The following ANKRD55 variants were observed in gnomAD, a reference collection of about 807,000 sequenced individuals.
ANKRD55 encodes the protein ankyrin repeat domain 55.
In ANKRD55, 41 loss-of-function variants were observed where a neutral mutation model predicts 60.6. The observed-to-expected ratio is 0.68, with a 90% CI of 0.53 to 0.88. ANKRD55 has a LOEUF of 0.88. Ranked by LOEUF, ANKRD55 falls within the 40% of genes least tolerant of loss-of-function variation. ANKRD55 has a pLI of 0.00. For missense variants in ANKRD55, 732 were observed against 767.6 expected (o/e 0.95, Z 0.55); for synonymous variants, 264 against 290.3 (o/e 0.91, Z 0.92).
At chr5:56,125,948 A>G (rs1318249451) in intron 8 of ANKRD55, among the ~76,000 whole-genome samples, 1 of 152,052 alleles carries the variant, frequency 6.6e-6, no homozygotes, top group African/African-American at 2.4e-5. Context: ...AGCCTGGCCA[A>G]CATGGTGAAA....
intron 10 of ANKRD55, among the ~76,000 whole-genome samples, chr5:56,104,390 C>T (rs566216327): frequency 6.6e-6 from 1 of 152,270 alleles, no homozygotes; most frequent in South Asian, 2.1e-4. Context: ...TATTATTCTG[C>T]CTCCTCTAAG....
intron 8 of ANKRD55, among the ~76,000 whole-genome samples, chr5:56,122,513 G>A (rs1270458781): frequency 6.6e-6 from 1 of 151,430 alleles, no homozygotes; most frequent in Non-Finnish European, 1.5e-5. Context: ...CCCAAAATTA[G>A]CCAGGCATGG....
chr5:56,116,159 G>A (rs573452804), intron 9 of ANKRD55, among the ~76,000 whole-genome samples: 5 of 152,128 alleles, frequency 3.3e-5, no homozygotes, highest in East Asian at 3.9e-4. Flanking sequence ...CTGGCCGCTC[G>A]GTTTTAATTT....
intron 8 of ANKRD55, among the ~76,000 whole-genome samples, chr5:56,117,319 C>G (rs1005144473): frequency 1.3e-5 from 2 of 151,986 alleles, no homozygotes; most frequent in East Asian, 3.8e-4. Flanking sequence ...TGCCTTTTGT[C>G]ATTTTTCTAT....
At chr5:56,130,361 C>G (rs767594967) in intron 7 of ANKRD55, among the ~76,000 whole-genome samples, 1 of 152,146 alleles carries the variant, frequency 6.6e-6, no homozygotes, top group East Asian at 1.9e-4. Flanking sequence ...CAGAACAATA[C>G]CCAACTCCAG....
chr5:56,223,212 G>T (rs963769161), intron 2 of ANKRD55, among the ~76,000 whole-genome samples: 1 of 151,936 alleles, frequency 6.6e-6, no homozygotes, highest in Non-Finnish European at 1.5e-5. Context: ...CATTCTTAAA[G>T]AAAAGAATTT....
chr5:56,113,764 T>G (rs1756807396), intron 9 of ANKRD55, among the ~76,000 whole-genome samples: 1 of 151,970 alleles, frequency 6.6e-6, no homozygotes, highest in Non-Finnish European at 1.5e-5. Context: ...TTTCTCGTGC[T>G]TCAGCCTCCC....
intron 3 of ANKRD55, among the ~76,000 whole-genome samples, chr5:56,181,772 T>C (rs576466173): frequency 7.2e-5 from 11 of 152,214 alleles, no homozygotes; most frequent in Non-Finnish European, 1.3e-4. Flanking sequence ...GTATTTTTAG[T>C]AGAGACGGGG....
chr5:56,213,629 C>A (rs1759731762), intron 2 of ANKRD55, among the ~76,000 whole-genome samples: 1 of 152,032 alleles, frequency 6.6e-6, no homozygotes, highest in Non-Finnish European at 1.5e-5. Flanking sequence ...ATTACTAGAG[C>A]AGCAAAGAGT....
chr5:56,195,495 G>A (rs749807824), intron 2 of ANKRD55, among the ~76,000 whole-genome samples: 17 of 152,196 alleles, frequency 1.1e-4, no homozygotes, highest in Non-Finnish European at 2.5e-4. Context: ...CCAGGCTGGA[G>A]TGCAGTGTCG....
intron 9 of ANKRD55, 96 bp downstream of exon 9, chr5:56,116,519 T>C: frequency 5.0e-6 from 5 of 1,001,828 alleles, no homozygotes; most frequent in Non-Finnish European, 6.8e-6. Flanking sequence ...ATAATAATAT[T>C]ATTATTGGTT....
At chr5:56,231,337 G>A (rs1760246208) in intron 2 of ANKRD55, among the ~76,000 whole-genome samples, 1 of 152,122 alleles carries the variant, frequency 6.6e-6, no homozygotes, top group Admixed American at 6.6e-5. Flanking sequence ...ACTATGTTTG[G>A]GGCTCAATCC....
chr5:56,195,531 C>T (rs1225775843), intron 2 of ANKRD55, among the ~76,000 whole-genome samples: 1 of 152,158 alleles, frequency 6.6e-6, no homozygotes. Context: ...GCAACTTCTG[C>T]CTCCCAGGTT....
intron 1 of ANKRD55, 76 bp from the exon 2 acceptor site, chr5:56,233,022 C>T: frequency 1.0e-6 from 1 of 1,000,140 alleles, no homozygotes; most frequent in Non-Finnish European, 1.6e-6. Context: ...GCCAAGACCT[C>T]TGTTTCAGGA....
chr5:56,120,676 G>T (rs966810167), intron 8 of ANKRD55, among the ~76,000 whole-genome samples: 1 of 152,092 alleles, frequency 6.6e-6, no homozygotes, highest in Admixed American at 6.5e-5. Flanking sequence ...AAGGCAGGCG[G>T]ATCACGAGGT....
chr5:56,209,493 G>T (rs1286236958), intron 2 of ANKRD55, among the ~76,000 whole-genome samples: 7 of 143,536 alleles, frequency 4.9e-5, no homozygotes, highest in African/African-American at 1.8e-4. Flanking sequence ...TTGAGACGGA[G>T]TCTCACTCTT....
intron 7 of ANKRD55, among the ~76,000 whole-genome samples, chr5:56,135,304 T>TGCC (rs1561264032): frequency 5.9e-4 from 5 of 8,492 alleles, no homozygotes; most frequent in East Asian, 4.9e-3. Flanking sequence ...GCTTTCTTTC[T>TGCC]TTCTTTCTTT....
rs777855760 is a variant in ANKRD55 at position 56,116,764 on chromosome 5, A to C, written c.816T>G (p.Ala272=). The change falls in exon 9 of 12, where the codon GCT becomes GCG. Residue 272 remains alanine, a synonymous_variant. Transcript: ENST00000341048. ...CACATTCGGCCTTCCCTGCAGCTGC[A>C]GCCCAGTGCAGAGGTGTCCTGGAGG... ...DVDDRTPLHW[A]AAAGKAECVQ... 6.2e-7 allele frequency: 1 copy of C among 1,612,224 alleles called. No homozygotes were observed. Among genetic ancestry groups the C allele is most frequent in the Non-Finnish European group, 8.5e-7 (1 of 1,179,176 alleles).
chr5:56,191,223 T>G (rs1428927733), intron 2 of ANKRD55, among the ~76,000 whole-genome samples: 1 of 152,220 alleles, frequency 6.6e-6, no homozygotes, highest in Non-Finnish European at 1.5e-5. Flanking sequence ...ATTAGGATGA[T>G]TTTTCTATTT....
Sources: gnomAD v4.1 joint callset for allele counts (sites outside exome capture counted in the v4.1 genomes callset) on GRCh38, gnomAD v4.1.1 for gene constraint, MANE v1.5 for transcripts, NCBI Gene and HGNC (gene_info 2026-07-23, HGNC 2026-07-21) for gene names.